TENM4: variants seen among roughly 807,000 people sequenced by gnomAD.
The protein encoded by TENM4 is teneurin transmembrane protein 4.
TENM4 carries 82 observed loss-of-function variants against 243.3 expected under a neutral mutation model. The observed-to-expected ratio is 0.34, with a 90% CI of 0.28 to 0.40. The LOEUF (loss-of-function observed/expected upper bound fraction) is 0.40, where lower values mean the gene tolerates loss of function less well. Among genes scored for constraint, TENM4 ranks in the 10% least tolerant of loss-of-function variants. The probability of loss-of-function intolerance (pLI) is 1.00; values close to 1 mark genes in which losing one functional copy is unlikely to be tolerated. For synonymous variants in TENM4, 1,412 were observed against 1,456.3 expected (o/e 0.97, Z 0.69); for missense variants, 3,138 against 3,673.3 (o/e 0.85, Z 3.77).
chr11:78,673,424 G>A (rs1251802860), intron 30 of TENM4, among the ~76,000 whole-genome samples: 24 of 152,306 alleles, frequency 1.6e-4, no homozygotes, highest in African/African-American at 5.8e-4. Context: ...GAAGACCCAA[G>A]AGGAAAGCAG....
intron 7 of TENM4, among the ~76,000 whole-genome samples, chr11:78,891,573 T>C (rs1855666621): frequency 2.0e-5 from 3 of 152,190 alleles, no homozygotes; most frequent in Non-Finnish European, 4.4e-5. Flanking sequence ...GTGCATCAAA[T>C]CACAGTTCTC....
chr11:78,991,500 C>T (rs1189398900), intron 6 of TENM4, among the ~76,000 whole-genome samples: 1 of 152,224 alleles, frequency 6.6e-6, no homozygotes, highest in Non-Finnish European at 1.5e-5. Flanking sequence ...ACAACTGTGA[C>T]ATCCCTTACC....
intron 18 of TENM4, among the ~76,000 whole-genome samples, chr11:78,759,782 ACT>A (rs1222639833): frequency 1.3e-5 from 2 of 152,174 alleles, no homozygotes; most frequent in African/African-American, 4.8e-5. Context: ...CACTGTTGTC[ACT>A]CTCATTTTAG....
intron 3 of TENM4, among the ~76,000 whole-genome samples, chr11:79,194,277 C>T (rs377582291): frequency 4.0e-5 from 6 of 151,686 alleles, no homozygotes; most frequent in South Asian, 4.2e-4. Flanking sequence ...AGCATGAAAA[C>T]GGACTAATAT....
chr11:78,850,312 G>A (rs963605405), intron 12 of TENM4, among the ~76,000 whole-genome samples: 8 of 152,266 alleles, frequency 5.3e-5, no homozygotes, highest in African/African-American at 1.9e-4. Context: ...ATTACAAACA[G>A]ACATAAATAC....
rs143990537 is a variant in TENM4 at position 78,930,061 on chromosome 11, T to A, written c.494-26538A>T. 6.5e-3 allele frequency among the ~76,000 whole-genome samples: 984 copies of A among 152,288 alleles called. 3 individuals carry two copies. Among genetic ancestry groups the A allele is most frequent in the Non-Finnish European group, 0.011 (739 of 68,016 alleles). ...TGGGCTTCTGCAGACTACAGTTTGC[T>A]GCTGGGCTTGTGGTCCCCAAGGGAA... On this transcript the variant is annotated intron_variant, in intron 6 of 33. Coordinates refer to ENST00000278550, the MANE Select transcript of TENM4 (RefSeq NM_001098816.3).
intron 4 of TENM4, among the ~76,000 whole-genome samples, chr11:79,085,098 T>C (rs1289076824): frequency 1.3e-5 from 2 of 151,794 alleles, no homozygotes; most frequent in East Asian, 3.9e-4. Context: ...TTTGGCCGGG[T>C]GTAGTGGCTC....
intron 12 of TENM4, among the ~76,000 whole-genome samples, chr11:78,847,030 C>A (rs1242763535): frequency 6.6e-6 from 1 of 152,192 alleles, no homozygotes; most frequent in Non-Finnish European, 1.5e-5. Context: ...TGCTTTCCTA[C>A]TTCCTTATCT....
At chr11:78,687,133 C>T (rs542377097) in intron 29 of TENM4, among the ~76,000 whole-genome samples, 10 of 152,244 alleles carry the variant, frequency 6.6e-5, no homozygotes, top group Non-Finnish European at 1.2e-4. Flanking sequence ...AAGAGTGACC[C>T]CAGCCAGTTC....
chr11:79,141,563 T>A (rs1466122544), intron 4 of TENM4, among the ~76,000 whole-genome samples: 1 of 151,956 alleles, frequency 6.6e-6, no homozygotes, highest in Non-Finnish European at 1.5e-5. Context: ...ACCAAATATT[T>A]TAAAAAGAAC....
At position 79,056,439 on chromosome 11, in the gene TENM4, G is replaced by A. The variant is rs11601349; in HGVS notation, c.493+8299C>T. Among the ~76,000 whole-genome samples the A allele has an allele frequency of 7.5e-3, 1,141 of 152,108 alleles. 10 individuals are homozygous for A. Among genetic ancestry groups the A allele is most frequent in the Non-Finnish European group, 0.013 (865 of 67,998 alleles). ...CGGTTATGGGGTGCATTTAATCTGG[G>A]CCAGGACTTCTTAAAGGGACTCCTA... On this transcript the variant is annotated intron_variant, in intron 6 of 33. Coordinates refer to ENST00000278550, the MANE Select transcript of TENM4 (RefSeq NM_001098816.3).
At chr11:78,720,292 A>G in intron 25 of TENM4, 78 bp downstream of exon 25, 2 of 1,529,588 alleles carry the variant, frequency 1.3e-6, no homozygotes, top group Non-Finnish European at 1.8e-6. Context: ...CAGCCATTTG[A>G]AATTGACATG....
intron 6 of TENM4, among the ~76,000 whole-genome samples, chr11:78,956,243 T>C (rs1388155130): frequency 2.0e-5 from 3 of 151,760 alleles, no homozygotes; most frequent in African/African-American, 7.3e-5. Flanking sequence ...GAACTGGGAG[T>C]TGCACGAGGG....
chr11:79,334,291 A>T (rs1200242804), intron 1 of TENM4, among the ~76,000 whole-genome samples: 1 of 152,152 alleles, frequency 6.6e-6, no homozygotes, highest in Non-Finnish European at 1.5e-5. Flanking sequence ...ATCCTCAATG[A>T]TGTCTCTGAA....
chr11:78,693,128 ATAT>A (rs1322725437), intron 28 of TENM4, among the ~76,000 whole-genome samples: 1 of 152,206 alleles, frequency 6.6e-6, no homozygotes, highest in African/African-American at 2.4e-5. Context: ...TAAATAATAG[ATAT>A]TATTGTTGAT....
intron 15 of TENM4, among the ~76,000 whole-genome samples, chr11:78,802,210 G>A (rs1268758919): frequency 6.6e-6 from 1 of 152,242 alleles, no homozygotes; most frequent in African/African-American, 2.4e-5. Context: ...CTCAATGAAA[G>A]TGCCCTTGGA....
chr11:78,981,142 A>G (rs1055335016), intron 6 of TENM4, among the ~76,000 whole-genome samples: 1 of 152,112 alleles, frequency 6.6e-6, no homozygotes, highest in African/African-American at 2.4e-5. Flanking sequence ...TTATATCTCT[A>G]TGACAGGTGT....
chr11:79,113,766 C>G (rs1356010540), intron 4 of TENM4, among the ~76,000 whole-genome samples: 1 of 152,122 alleles, frequency 6.6e-6, no homozygotes, highest in Non-Finnish European at 1.5e-5. Context: ...ATTTGCTGCC[C>G]TCAGAGGCTG....
At chr11:79,348,235 G>A (rs1453872284) in intron 1 of TENM4, among the ~76,000 whole-genome samples, 6 of 152,050 alleles carry the variant, frequency 3.9e-5, no homozygotes, top group Non-Finnish European at 5.9e-5. Context: ...TATCTTTCAC[G>A]TTCTGGTATA....
Sources: allele counts gnomAD v4.1 joint callset (sites outside exome capture counted in the v4.1 genomes callset), GRCh38; gene constraint gnomAD v4.1.1; transcripts MANE v1.5; gene names NCBI Gene and HGNC (gene_info 2026-07-23, HGNC 2026-07-21).